SLC22A7: variants seen among roughly 807,000 people sequenced by gnomAD.
SLC22A7 encodes solute carrier family 22 member 7.
In SLC22A7, 48 loss-of-function variants were observed where a neutral mutation model predicts 62.2. That is an observed-to-expected ratio of 0.77 (90% CI 0.61 to 0.98). The LOEUF (loss-of-function observed/expected upper bound fraction) is 0.98. Ranked by LOEUF, SLC22A7 falls within the 50% of genes least tolerant of loss-of-function variation. The pLI, the probability that SLC22A7 is intolerant of heterozygous loss-of-function variation, is 0.00. For missense variants in SLC22A7, 581 were observed against 703.8 expected, an observed-to-expected ratio of 0.83 and a Z score of 1.97; for synonymous variants, 276 against 314.8, an observed-to-expected ratio of 0.88 and a Z score of 1.30.
Position 43,299,109 on chromosome 6 carries a change from C to T in SLC22A7, c.399+12C>T. The T allele has an allele frequency of 2.5e-6, 4 of 1,613,304 alleles. No homozygotes were observed. The highest frequency in any genetic ancestry group is 3.4e-6 in the Non-Finnish European group (4 of 1,179,570). Reference sequence around the variant, plus strand: ...TTTTCCAGTCCCAGGTCGGTATTTACATAATCCATCTGGAGGTGGAATGTC... The same window carrying T: ...TTTTCCAGTCCCAGGTCGGTATTTATATAATCCATCTGGAGGTGGAATGTC... On this transcript the variant is annotated intron_variant, in intron 2 of 10. Transcript: ENST00000372585. The surrounding 1 kb of genome is among the most constrained non-coding windows in gnomAD (Gnocchi z 4.4).
chr6:43,303,531 T>C (rs1324868886), intron 9 of SLC22A7, among the ~76,000 whole-genome samples: 1 of 151,736 alleles, frequency 6.6e-6, no homozygotes, highest in Non-Finnish European at 1.5e-5. Context: ...AGAAGCCCCA[T>C]CCTGCCCACC....
At position 43,302,474 on chromosome 6, in the gene SLC22A7, T is replaced by A; in HGVS notation, c.1276+60T>A. ...AAGCCGGGCCAGGAACCCTGCCCAC[T>A]CCCCGGAGACCCCACCTCCTGGCCA... On this transcript the variant is annotated intron_variant, in intron 8 of 10. Coordinates refer to ENST00000372585, the MANE Select transcript of SLC22A7 (RefSeq NM_153320.2). This position sits in a 1 kb window ranked among gnomAD's most constrained non-coding sequence, Gnocchi z 5.0. 7.0e-7 allele frequency: 1 copy of A among 1,426,074 alleles called. No individual in the cohort carries two copies. Among genetic ancestry groups the A allele is most frequent in the Non-Finnish European group, 9.4e-7 (1 of 1,063,754 alleles). The allele number at this position is 1,426,074 out of a possible 1,614,324, so 88.3% of individuals were successfully genotyped here. A position where few individuals can be genotyped will look rare whatever the true frequency, so the allele number is the denominator to read the frequency against.
At position 43,302,550 on chromosome 6, in the gene SLC22A7, C is replaced by T; in HGVS notation, c.1277-105C>T. Reference sequence around the variant, plus strand: ...TGCTCTTACCCAGTGAGCTCAGACTCTCCACCACTTAAGTTTGGCCCACTC... The same window carrying T: ...TGCTCTTACCCAGTGAGCTCAGACTTTCCACCACTTAAGTTTGGCCCACTC... On this transcript the variant is annotated intron_variant, in intron 8 of 10. Coordinates refer to ENST00000372585, the MANE Select transcript of SLC22A7 (RefSeq NM_153320.2). This position sits in a 1 kb window ranked among gnomAD's most constrained non-coding sequence, Gnocchi z 5.0. 1 of 1,183,298 alleles carries T rather than the reference C, an allele frequency of 8.5e-7. No individual in the cohort carries two copies. The highest frequency in any genetic ancestry group is 1.2e-6 in the Non-Finnish European group (1 of 829,856). 73.3% of individuals were successfully genotyped at this position (1,183,298 alleles called of 1,614,324 possible).
chr6:43,296,906 G>T (rs934959272), upstream of SLC22A7, among the ~76,000 whole-genome samples: 11 of 152,148 alleles, frequency 7.2e-5, no homozygotes, highest in African/African-American at 2.7e-4. Context: ...TGGAGAATGG[G>T]TTGAAAGGGG....
rs373373705 is a variant in SLC22A7 at position 43,299,363 on chromosome 6, G to C, written c.400-27G>C. 45 of 1,612,956 alleles carry C rather than the reference G, an allele frequency of 2.8e-5. No individual in the cohort carries two copies. The highest frequency in any genetic ancestry group is 3.7e-5 in the Non-Finnish European group (44 of 1,178,930). On this transcript the variant is annotated intron_variant, in intron 2 of 10. Transcript: ENST00000372585. This position sits in a 1 kb window ranked among gnomAD's most constrained non-coding sequence, Gnocchi z 4.4. ...GCTGGAGAGGGGCTGATGTTCATAG[G>C]AGGTCCCTTTCTGCCTGTCCTTGCA...
chr6:43,298,571 G>A lies in SLC22A7; in HGVS notation c.213G>A (p.Arg71=), dbSNP rs2150728016. The A allele has an allele frequency of 1.9e-6, 3 of 1,613,620 alleles. No individual in the cohort carries two copies. The highest frequency in any genetic ancestry group is 2.5e-6 in the Non-Finnish European group (3 of 1,179,820). The change falls in exon 1 of 11, where the codon CGG becomes CGA. Residue 71 remains arginine (R), a synonymous_variant. Transcript: ENST00000372585. ...TGTGGCTGGAGGCCCATCTTCCCCG[G>A]GAGCCTGATGGCACGCTCAGCTCCT... ...QDVWLEAHLP[R]EPDGTLSSCL...
At chr6:43,300,709 A>G (rs1312400083) in intron 5 of SLC22A7, among the ~76,000 whole-genome samples, 1 of 152,112 alleles carries the variant, frequency 6.6e-6, no homozygotes, top group African/African-American at 2.4e-5. Context: ...CAGCTCACTG[A>G]AGCCTCAACC....
intron 9 of SLC22A7, among the ~76,000 whole-genome samples, chr6:43,303,496 TAATAAG>T (rs917243996): frequency 1.7e-4 from 26 of 150,492 alleles, no homozygotes; most frequent in African/African-American, 3.9e-4. Flanking sequence ...ATAATAATAA[TAATAAG>T]AAGAAGAAAA....
At position 43,299,194 on chromosome 6, in the gene SLC22A7, G is replaced by A; in HGVS notation, c.399+97G>A. The A allele has an allele frequency of 6.2e-7, 1 of 1,614,130 alleles. No homozygotes were observed. The highest frequency in any genetic ancestry group is 1.3e-5 in the African/African-American group (1 of 75,056). On this transcript the variant is annotated intron_variant, in intron 2 of 10. Coordinates refer to ENST00000372585, the MANE Select transcript of SLC22A7 (RefSeq NM_153320.2). The surrounding 1 kb of genome is among the most constrained non-coding windows in gnomAD (Gnocchi z 4.4). ...AGGCCTTCCTTGGGAAGAAGCTGAG[G>A]CTGCAGGACTGGGGAGGGACAAAGT...
At chr6:43,300,331 C>A (rs1028806611) in intron 5 of SLC22A7, 2 of 530,964 alleles carry the variant, frequency 3.8e-6, no homozygotes, top group African/African-American at 3.8e-5. Context: ...AGGCTGGCCC[C>A]TTGGAGAGTT....
In SLC22A7 at chr6:43,299,561, G is replaced by T; in HGVS notation, c.504-66G>T. The T allele has an allele frequency of 6.2e-7, 1 of 1,610,590 alleles. No homozygotes were observed. The highest frequency in any genetic ancestry group is 8.5e-7 in the Non-Finnish European group (1 of 1,177,326). On this transcript the variant is annotated intron_variant, in intron 3 of 10. Transcript: ENST00000372585. The surrounding 1 kb of genome is among the most constrained non-coding windows in gnomAD (Gnocchi z 4.4). ...CTTTCTCCCACTAGCTGGGGTATGA[G>T]CCTAGTCTACCTATGCCTTAGAACC... is the stretch of plus-strand genomic sequence containing the variant.
intron 9 of SLC22A7, among the ~76,000 whole-genome samples, chr6:43,303,613 C>T (rs977153754): frequency 2.6e-5 from 4 of 151,992 alleles, no homozygotes; most frequent in African/African-American, 7.3e-5. Flanking sequence ...TTGAAAGGCC[C>T]GGGGTTGGGG....
rs561539829 is a variant in SLC22A7, at chr6:43,305,207, C to T, written c.*482C>T. 3.0e-4 allele frequency: 49 copies of T among 163,154 alleles called. 2 individuals are homozygous for T. The highest frequency in any genetic ancestry group is 1.1e-3 in the African/African-American group (46 of 41,706). 10.1% of individuals were successfully genotyped at this position (163,154 alleles called of 1,614,324 possible). ...CTCAAATGAGTTACTGAATAAGGTG[C>T]TTCTGCTTCTTCTAGAGATGGTGCT... On this transcript the variant is annotated 3_prime_UTR_variant, in exon 11 of 11. Transcript: ENST00000372585.
upstream of SLC22A7, chr6:43,298,031 A>G (rs892554458): frequency 1.2e-5 from 3 of 250,950 alleles, no homozygotes; most frequent in Non-Finnish European, 2.3e-5. Flanking sequence ...CTAGGGGCTC[A>G]CCTCCTATGC....
chr6:43,301,363 C>T (rs1778739407), intron 6 of SLC22A7, 105 bp downstream of exon 6: 7 of 1,510,124 alleles, frequency 4.6e-6, no homozygotes, highest in Non-Finnish European at 5.4e-6. Context: ...AGGAAAAGCC[C>T]CTGGGCCCCC....
rs1366348080 is a variant in SLC22A7, at chr6:43,301,758, C to T, written c.1061+66C>T. 71 of 1,200,012 alleles carry T rather than the reference C, an allele frequency of 5.9e-5. 1 individual carries two copies. The highest frequency in any genetic ancestry group is 8.1e-5 in the Non-Finnish European group (68 of 836,840). The allele number at this position is 1,200,012 out of a possible 1,614,324, so 74.3% of individuals were successfully genotyped here. A position where few individuals can be genotyped will look rare whatever the true frequency, so the allele number is the denominator to read the frequency against. ...GGGAGGAGCAAACTCCAGGCTGGTG[C>T]TGAGTGTGAGAAGGGCTCTGAGGGA... On this transcript the variant is annotated intron_variant, in intron 7 of 10. Coordinates refer to ENST00000372585, the MANE Select transcript of SLC22A7 (RefSeq NM_153320.2).
chr6:43,302,512 TC>T lies in SLC22A7; in HGVS notation c.1276+103del. ...CACCTCCTGGCCAAGAACCCACTCC[TC>T]CCCCAGATCCCTGCTCTTACCCAGT... On this transcript the variant is annotated intron_variant, in intron 8 of 10. Coordinates refer to ENST00000372585, the MANE Select transcript of SLC22A7 (RefSeq NM_153320.2). The surrounding 1 kb of genome is among the most constrained non-coding windows in gnomAD (Gnocchi z 5.0). 3 of 1,218,706 alleles carry T rather than the reference TC, an allele frequency of 2.5e-6. No individual in the cohort carries two copies. The highest frequency in any genetic ancestry group is 2.3e-6 in the Non-Finnish European group (2 of 876,190). 75.5% of individuals were successfully genotyped at this position (1,218,706 alleles called of 1,614,324 possible).
chr6:43,298,806 T>A, intron 1 of SLC22A7, 55 bp downstream of exon 1: 5 of 1,514,428 alleles, frequency 3.3e-6, no homozygotes, highest in Non-Finnish European at 4.4e-6. Context: ...TGCCATTGCC[T>A]TGGGTGGTTA....
At chr6:43,304,355 T>C in intron 10 of SLC22A7, 111 bp downstream of exon 10, 3 of 960,066 alleles carry the variant, frequency 3.1e-6, no homozygotes, top group Non-Finnish European at 4.5e-6. Context: ...TGCACATGTG[T>C]ACTTGGTGCA....
Sources: gnomAD v4.1 joint callset for allele counts (sites outside exome capture counted in the v4.1 genomes callset) on GRCh38, gnomAD v4.1.1 for gene constraint, Gnocchi (gnomAD v3.1) non-coding constraint, MANE v1.5 for transcripts, NCBI Gene and HGNC (gene_info 2026-07-23, HGNC 2026-07-21) for gene names.